Variants in KLHL1 observed in about 807,000 individuals in gnomAD.
The protein encoded by KLHL1 is kelch-like protein 1.
KLHL1 carries 47 observed loss-of-function variants against 77.7 expected under a neutral mutation model. The ratio of observed to expected loss-of-function variants is 0.60; its 90% CI spans 0.48 to 0.77. The LOEUF (loss-of-function observed/expected upper bound fraction) is 0.77. Ranked by LOEUF, KLHL1 falls within the 30% of genes least tolerant of loss-of-function variation. The pLI, the probability that KLHL1 is intolerant of heterozygous loss-of-function variation, is 0.00. For missense variants in KLHL1, 925 were observed against 910.8 expected (o/e 1.02, Z -0.20); for synonymous variants, 360 against 325.2 (o/e 1.11, Z -1.15).
In KLHL1 at chr13:69,804,298, A is replaced by T. The variant is rs28720786; in HGVS notation, c.1415-7336T>A. On this transcript the variant is annotated intron_variant, in intron 6 of 10. Coordinates refer to ENST00000377844, the MANE Select transcript of KLHL1 (RefSeq NM_020866.3). The stretch of plus-strand genomic sequence containing the variant: ...ATATTCACTTATGTAGACAAATATA[A>T]TTTTTTTGTGGGGGGGGGAAATAGT... 1.3e-3 allele frequency among the ~76,000 whole-genome samples: 110 copies of T among 82,822 alleles called. 1 individual carries two copies. The highest frequency in any genetic ancestry group is 3.3e-3 in the African/African-American group (74 of 22,126). The allele number at this position is 82,822 out of a possible 152,430, so 54.3% of individuals were successfully genotyped here.
intron 7 of KLHL1, among the ~76,000 whole-genome samples, chr13:69,777,619 T>G (rs898872326): frequency 6.6e-6 from 1 of 152,206 alleles, no homozygotes; most frequent in African/African-American, 2.4e-5. Context: ...TTTTACACAT[T>G]TCACTTTTTT....
chr13:69,775,702 T>G (rs9572273), intron 7 of KLHL1, among the ~76,000 whole-genome samples: 35,768 of 151,632 alleles, frequency 0.24, 4,280 homozygotes, highest in South Asian at 0.31. Flanking sequence ...GGTTTTTTTT[T>G]GTTTTTGATA....
At chr13:69,961,213 G>T in intron 3 of KLHL1, 95 bp downstream of exon 3, 3 of 1,192,534 alleles carry the variant, frequency 2.5e-6, no homozygotes, top group Non-Finnish European at 3.5e-6. Flanking sequence ...ACAGAATACA[G>T]AATTTTTTTT....
At chr13:69,987,063 A>T (rs1022449153) in intron 1 of KLHL1, among the ~76,000 whole-genome samples, 1 of 152,002 alleles carries the variant, frequency 6.6e-6, no homozygotes, top group Admixed American at 6.6e-5. Context: ...ATTTGAAATT[A>T]TCATAAAAAA....
At chr13:70,098,512 AT>A (rs1448013861) in intron 1 of KLHL1, among the ~76,000 whole-genome samples, 2 of 151,910 alleles carry the variant, frequency 1.3e-5, no homozygotes, top group African/African-American at 4.8e-5. Flanking sequence ...AAATCTTTCA[AT>A]TTAAAAAAAT....
At chr13:70,092,413 C>G (rs1887690195) in intron 1 of KLHL1, among the ~76,000 whole-genome samples, 1 of 152,068 alleles carries the variant, frequency 6.6e-6, no homozygotes, top group African/African-American at 2.4e-5. Context: ...TTTCCAAAGC[C>G]TTACTCTCTC....
At chr13:70,093,908 C>G (rs979546853) in intron 1 of KLHL1, among the ~76,000 whole-genome samples, 4 of 152,060 alleles carry the variant, frequency 2.6e-5, no homozygotes, top group African/African-American at 9.7e-5. Flanking sequence ...AGTTAATTAA[C>G]TTGTTTGAAT....
intron 6 of KLHL1, among the ~76,000 whole-genome samples, chr13:69,825,621 A>C (rs1039722484): frequency 1.3e-5 from 2 of 151,938 alleles, no homozygotes; most frequent in African/African-American, 4.9e-5. Flanking sequence ...ATGGGACTGG[A>C]GAGAGACTGG....
chr13:70,016,383 G>A (rs563213014), intron 1 of KLHL1, among the ~76,000 whole-genome samples: 5 of 152,350 alleles, frequency 3.3e-5, no homozygotes, highest in Admixed American at 2.0e-4. Context: ...GGACCAGGAC[G>A]AGGGAATCCA....
chr13:69,702,589 A>G (rs1324973821), intron 10 of KLHL1, among the ~76,000 whole-genome samples: 2 of 151,718 alleles, frequency 1.3e-5, no homozygotes, highest in South Asian at 2.1e-4. Context: ...GCCTCAAATC[A>G]CATGCATTAT....
chr13:69,817,302 GA>G, intron 6 of KLHL1, among the ~76,000 whole-genome samples: 1 of 152,306 alleles, frequency 6.6e-6, no homozygotes, highest in South Asian at 2.1e-4. Flanking sequence ...TAGTATTCCT[GA>G]TTGTATGGCA....
rs145460992 is a variant in KLHL1 at position 69,916,603 on chromosome 13, A to C, written c.1014+23437T>G. Among the ~76,000 whole-genome samples the C allele has an allele frequency of 7.0e-3, 1,066 of 151,904 alleles. 11 individuals carry two copies. Among genetic ancestry groups the C allele is most frequent in the African/African-American group, 0.024 (1,012 of 41,392 alleles). On this transcript the variant is annotated intron_variant, in intron 4 of 10. Coordinates refer to ENST00000377844, the MANE Select transcript of KLHL1 (RefSeq NM_020866.3). ...CGGGGCCTGTTGTGGAGTGGGGGGA[A>C]GGGGGAGGGATAGCATTAGGAGATA...
rs1873363910 is a variant in KLHL1 at position 69,727,725 on chromosome 13, A to T, written c.1803-8144T>A. Among the ~76,000 whole-genome samples, 4 of 152,320 alleles carry T rather than the reference A, an allele frequency of 2.6e-5. No homozygotes were observed. The South Asian group carries it at 8.3e-4, about 32-fold the overall frequency. On this transcript the variant is annotated intron_variant, in intron 8 of 10. Transcript: ENST00000377844. ...TAAATAATACGTTTCAACAATTGGC[A>T]TATATCTTAGCCAGTCAACTATTGT...
chr13:69,947,835 G>C (rs552799233), intron 3 of KLHL1, among the ~76,000 whole-genome samples: 68 of 152,094 alleles, frequency 4.5e-4, no homozygotes, highest in African/African-American at 1.5e-3. Context: ...AAGGCAAAAA[G>C]CAGCCAAGTA....
At chr13:69,951,302 C>T (rs75940904) in intron 3 of KLHL1, among the ~76,000 whole-genome samples, 1,558 of 151,444 alleles carry the variant, frequency 0.01, 27 homozygotes, top group African/African-American at 0.035. Context: ...TTGGCTTATG[C>T]AAGTGGCTTA....
intron 1 of KLHL1, among the ~76,000 whole-genome samples, chr13:70,037,685 A>G (rs749129956): frequency 2.0e-5 from 3 of 152,046 alleles, no homozygotes; most frequent in Non-Finnish European, 2.9e-5. Context: ...TGTTTTAAAT[A>G]TCTTCTTCAT....
intron 5 of KLHL1, among the ~76,000 whole-genome samples, chr13:69,854,221 C>T (rs1233142963): frequency 6.6e-6 from 1 of 152,006 alleles, no homozygotes; most frequent in African/African-American, 2.4e-5. Flanking sequence ...CATAGTTCTG[C>T]AGGCTGTACA....
intron 6 of KLHL1, among the ~76,000 whole-genome samples, chr13:69,821,273 A>G (rs1440078885): frequency 6.6e-6 from 1 of 152,132 alleles, no homozygotes; most frequent in African/African-American, 2.4e-5. Flanking sequence ...TAAAAGCTTA[A>G]CAAATGTTCA....
At chr13:69,796,659 A>G in intron 7 of KLHL1, 79 bp downstream of exon 7, 2 of 1,034,702 alleles carry the variant, frequency 1.9e-6, no homozygotes, top group East Asian at 2.6e-5. Flanking sequence ...TAAGACAGAC[A>G]TCAATAATAT....
Sources: gnomAD v4.1 joint callset for allele counts (sites outside exome capture counted in the v4.1 genomes callset) on GRCh38, gnomAD v4.1.1 for gene constraint, MANE v1.5 for transcripts, NCBI Gene and HGNC (gene_info 2026-07-23, HGNC 2026-07-21) for gene names.